USP13: variants seen among roughly 807,000 people sequenced by gnomAD.
The protein encoded by USP13 is ubiquitin specific peptidase 13.
USP13 carries 68 observed loss-of-function variants against 107.8 expected under a neutral mutation model. The ratio of observed to expected loss-of-function variants is 0.63; its 90% CI spans 0.52 to 0.77. The LOEUF is 0.77. Among genes scored for constraint, USP13 ranks in the 30% least tolerant of loss-of-function variants. The pLI, the probability that USP13 is intolerant of heterozygous loss-of-function variation, is 0.00. For missense variants in USP13, 945 were observed against 1,093.3 expected (o/e 0.86, Z 1.91); for synonymous variants, 377 against 389.5 (o/e 0.97, Z 0.38).
intron 13 of USP13, among the ~76,000 whole-genome samples, chr3:179,750,427 T>G (rs1423040822): frequency 6.6e-6 from 1 of 150,858 alleles, no homozygotes; most frequent in Non-Finnish European, 1.5e-5. Flanking sequence ...AAGAATAATG[T>G]GTATTACTGC....
rs374790720 is a variant in USP13, at chr3:179,708,761, A to G, written c.621-12A>G. On this transcript the variant is annotated splice_polypyrimidine_tract_variant and intron_variant, in intron 5 of 20. Coordinates refer to ENST00000263966, the MANE Select transcript of USP13 (RefSeq NM_003940.3). ...CCCTGGCTGTTCTGACTACTCTCCA[A>G]TGGCTTTCCAGTGGTTGGAAGTGTG... is the stretch of plus-strand genomic sequence containing the variant. 5.6e-6 allele frequency: 9 copies of G among 1,613,622 alleles called. No individual in the cohort carries two copies. Among genetic ancestry groups the G allele is most frequent in the African/African-American group, 5.3e-5 (4 of 74,860 alleles).
rs1029693686 is a variant in USP13 at position 179,786,964 on chromosome 3, T to C, written c.*2823T>C. The C allele has an allele frequency of 1.3e-5, 2 of 152,224 alleles. No homozygotes were observed. Among genetic ancestry groups the C allele is most frequent in the Admixed American group, 1.3e-4 (2 of 15,280 alleles). 9.4% of individuals were successfully genotyped at this position (152,224 alleles called of 1,614,324 possible). The stretch of plus-strand genomic sequence containing the variant: ...TGTATCAAAGTTTTTATTTTGCCAA[T>C]TGATCTAAATGCCCATATAACTAAT... On this transcript the variant is annotated 3_prime_UTR_variant, in exon 21 of 21. Transcript: ENST00000263966.
chr3:179,757,066 C>A lies in USP13; in HGVS notation c.1936C>A (p.Gln646Lys). The A allele has an allele frequency of 1.2e-6, 2 of 1,613,936 alleles. No homozygotes were observed. Among genetic ancestry groups the A allele is most frequent in the Admixed American group, 3.3e-5 (2 of 60,006 alleles). Residue 646 changes from glutamine (Q) to lysine (K), a missense_variant, in exon 16 of 21, where the codon CAA becomes AAA. Gln to Lys is a moderately conservative substitution (Grantham distance 53). Transcript: ENST00000263966. The stretch of plus-strand genomic sequence containing the variant: ...TTAATTTCCAGATCGCCTGATGAAC[C>A]AATTGATAGACCGTATGTATCTTTA... ...PDDSKDRLMN[Q>K]LIDPSDIDES...
chr3:179,747,328 G>A (rs901724459), intron 13 of USP13, among the ~76,000 whole-genome samples: 8 of 152,134 alleles, frequency 5.3e-5, no homozygotes, highest in African/African-American at 1.4e-4. Context: ...CTGATTCCTC[G>A]AACATTTATC....
chr3:179,688,040 C>A (rs1028852605), intron 2 of USP13, among the ~76,000 whole-genome samples: 5 of 151,834 alleles, frequency 3.3e-5, no homozygotes, highest in Non-Finnish European at 5.9e-5. Flanking sequence ...CTTCTATCCC[C>A]ACTCCCCTCT....
rs2080579 is a variant in USP13, at chr3:179,761,508, A to G, written c.2092+253A>G. Among the ~76,000 whole-genome samples the G allele has an allele frequency of 0.38, 58,034 of 151,926 alleles. 12,944 individuals are homozygous for G. Among genetic ancestry groups the G allele is most frequent in the African/African-American group, 0.64 (26,300 of 41,392 alleles). On this transcript the variant is annotated intron_variant, in intron 17 of 20. Transcript: ENST00000263966. ...GGAGGCCAAGGCAGGCGGATCACGA[A>G]GTCAAGAGATGAAGACCATCCTGGC...
At chr3:179,744,875 C>T (rs774839737) in intron 12 of USP13, among the ~76,000 whole-genome samples, 168 bp from the exon 13 acceptor site, 5 of 152,152 alleles carry the variant, frequency 3.3e-5, no homozygotes, top group Admixed American at 2.0e-4. Context: ...ACTCTAAAGA[C>T]AGCCCCAGAA....
rs542071545 is a variant in USP13, at chr3:179,671,432, C to T, written c.169-10446C>T. ...GTTCCTGAAGAGAAATTTAAAAATACCAGAAGAAAACAGGAAGAAAAAAAA... is the reference window on the plus strand; with the variant it reads ...GTTCCTGAAGAGAAATTTAAAAATATCAGAAGAAAACAGGAAGAAAAAAAA... On this transcript the variant is annotated intron_variant, in intron 1 of 20. Transcript: ENST00000263966. 4.1e-4 allele frequency among the ~76,000 whole-genome samples: 62 copies of T among 152,068 alleles called. 1 individual carries two copies. In the South Asian group the frequency reaches 9.8e-3, roughly 24 times the overall value.
Position 179,786,869 on chromosome 3 carries a change from T to C in USP13, c.*2728T>C, listed in dbSNP as rs1715927350. On this transcript the variant is annotated 3_prime_UTR_variant, in exon 21 of 21. Transcript: ENST00000263966. ...GGGTGTCTGTGTGAAAGACAGCACT[T>C]TCTTCCTGTAAATATCTTTTGATAT... 6.6e-6 allele frequency: 1 copy of C among 152,248 alleles called. No homozygotes were observed. Among genetic ancestry groups the C allele is most frequent in the South Asian group, 2.1e-4 (1 of 4,836 alleles). 9.4% of individuals were successfully genotyped at this position (152,248 alleles called of 1,614,324 possible). A position where few individuals can be genotyped will look rare whatever the true frequency, so the allele number is the denominator to read the frequency against.
At chr3:179,735,261 C>T in intron 10 of USP13, among the ~76,000 whole-genome samples, 1 of 152,176 alleles carries the variant, frequency 6.6e-6, no homozygotes, top group East Asian at 1.9e-4. Flanking sequence ...GGGTCTCTGC[C>T]TCTCATCTTG....
intron 10 of USP13, among the ~76,000 whole-genome samples, chr3:179,732,206 G>C (rs1218985712): frequency 6.6e-6 from 1 of 152,218 alleles, no homozygotes; most frequent in Non-Finnish European, 1.5e-5. Flanking sequence ...AGGCTGGAAG[G>C]CTCCCATCTG....
At chr3:179,663,194 C>CT (rs1720501048) in intron 1 of USP13, among the ~76,000 whole-genome samples, 2 of 152,168 alleles carry the variant, frequency 1.3e-5, no homozygotes, top group Admixed American at 6.5e-5. Context: ...CTTTTTGTCT[C>CT]TAAGATTTGG....
At chr3:179,761,910 G>A (rs543470789) in intron 17 of USP13, among the ~76,000 whole-genome samples, 8 of 152,298 alleles carry the variant, frequency 5.3e-5, no homozygotes, top group African/African-American at 1.9e-4. Context: ...AGGATGTTTA[G>A]TTAGCTTTTT....
At chr3:179,673,541 G>A (rs541434871) in intron 1 of USP13, among the ~76,000 whole-genome samples, 29 of 152,312 alleles carry the variant, frequency 1.9e-4, no homozygotes, top group Non-Finnish European at 3.7e-4. Context: ...TTCTCATAGC[G>A]ATAGATTTCA....
chr3:179,767,428 G>GTTTT lies in USP13; in HGVS notation c.2413+1591_2413+1594dup, dbSNP rs1431728738. Among the ~76,000 whole-genome samples, 240 of 143,758 alleles carry GTTTT rather than the reference G, an allele frequency of 1.7e-3. 2 individuals carry two copies. Among genetic ancestry groups the GTTTT allele is most frequent in the African/African-American group, 5.8e-3 (229 of 39,760 alleles). 94.3% of individuals were successfully genotyped at this position (143,758 alleles called of 152,430 possible). On this transcript the variant is annotated intron_variant, in intron 19 of 20. Coordinates refer to ENST00000263966, the MANE Select transcript of USP13 (RefSeq NM_003940.3). ...TGTAATGCATTGTTAGTTTTTTTTG[G>GTTTT]TTTTTTTTTTTTTTGAGACAGAGTC...
At chr3:179,687,035 C>T (rs1369553031) in intron 2 of USP13, among the ~76,000 whole-genome samples, 2 of 152,168 alleles carry the variant, frequency 1.3e-5, no homozygotes, top group Non-Finnish European at 2.9e-5. Context: ...TCAGGGTTAT[C>T]CATATTTTTG....
intron 20 of USP13, among the ~76,000 whole-genome samples, chr3:179,783,417 C>G (rs1715815273): frequency 6.6e-6 from 1 of 152,126 alleles, no homozygotes; most frequent in Non-Finnish European, 1.5e-5. Flanking sequence ...ATTTTTTAAC[C>G]AGTAATTTCC....
chr3:179,729,951 G>T (rs1340003920), intron 8 of USP13, among the ~76,000 whole-genome samples: 1 of 152,214 alleles, frequency 6.6e-6, no homozygotes, highest in Admixed American at 6.5e-5. Flanking sequence ...ATATGTAAAA[G>T]AAACTCTTTG....
In USP13 at chr3:179,788,482, CTG is replaced by C. The variant is rs1715972527; in HGVS notation, c.*4345_*4346del. Reference sequence around the variant, plus strand: ...AAAGTTTGGCTTGTTCAAATCGAGACTGTGTTGTACACATACAATACACACCA... The same window carrying C: ...AAAGTTTGGCTTGTTCAAATCGAGACTGTTGTACACATACAATACACACCA... On this transcript the variant is annotated 3_prime_UTR_variant, in exon 21 of 21. Coordinates refer to ENST00000263966, the MANE Select transcript of USP13 (RefSeq NM_003940.3). The C allele has an allele frequency of 6.6e-6, 1 of 152,176 alleles. No homozygotes were observed. Among genetic ancestry groups the C allele is most frequent in the Non-Finnish European group, 1.5e-5 (1 of 68,036 alleles). 9.4% of individuals were successfully genotyped at this position (152,176 alleles called of 1,614,324 possible). A position where few individuals can be genotyped will look rare whatever the true frequency, so the allele number is the denominator to read the frequency against.
Sources: allele counts gnomAD v4.1 joint callset (sites outside exome capture counted in the v4.1 genomes callset), GRCh38; gene constraint gnomAD v4.1.1; transcripts MANE v1.5; gene names NCBI Gene and HGNC (gene_info 2026-07-23, HGNC 2026-07-21).